PPARGC1B: variants seen among roughly 807,000 people sequenced by gnomAD.
PPARGC1B encodes peroxisome proliferator-activated receptor gamma coactivator 1-beta.
In PPARGC1B, 34 loss-of-function variants were observed where a neutral mutation model predicts 101.6. The ratio of observed to expected loss-of-function variants is 0.33; its 90% CI spans 0.25 to 0.45. The LOEUF (loss-of-function observed/expected upper bound fraction) is 0.45, where lower values mean the gene tolerates loss of function less well. Ranked by LOEUF, PPARGC1B falls within the 20% of genes least tolerant of loss-of-function variation. PPARGC1B has a pLI of 1.00. For synonymous variants in PPARGC1B, 548 were observed against 539.3 expected (o/e 1.02, Z -0.22); for missense variants, 1,234 against 1,317.6 (o/e 0.94, Z 0.98).
chr5:149,740,822 C>T (rs749675927), intron 1 of PPARGC1B, among the ~76,000 whole-genome samples: 19 of 152,276 alleles, frequency 1.2e-4, no homozygotes, highest in Middle Eastern at 3.4e-3. Flanking sequence ...ATATAGTAAG[C>T]GCTCAATAAA....
intron 9 of PPARGC1B, 89 bp from the exon 10 acceptor site, chr5:149,842,167 G>A: frequency 1.3e-6 from 2 of 1,530,436 alleles, no homozygotes; most frequent in Admixed American, 3.6e-5. Flanking sequence ...TCATGGACTA[G>A]GACAAGGACT....
At chr5:149,757,561 C>G (rs4705370) in intron 1 of PPARGC1B, among the ~76,000 whole-genome samples, 92,123 of 151,738 alleles carry the variant, frequency 0.61, 28,106 homozygotes, top group South Asian at 0.72. Context: ...GCCCTGCCAG[C>G]CTGTCCTGAC....
chr5:149,793,758 T>G (rs954554270), intron 1 of PPARGC1B, among the ~76,000 whole-genome samples: 3 of 152,132 alleles, frequency 2.0e-5, no homozygotes, highest in Non-Finnish European at 4.4e-5. Flanking sequence ...GAGGAAGATG[T>G]GTAAGCTGAG....
chr5:149,835,479 G>A (rs1387610123), intron 7 of PPARGC1B, 114 bp downstream of exon 7: 4 of 893,802 alleles, frequency 4.5e-6, no homozygotes, highest in Non-Finnish European at 7.3e-6. Flanking sequence ...CAAGATGCCT[G>A]CCTTCACGGG....
intron 1 of PPARGC1B, among the ~76,000 whole-genome samples, chr5:149,732,226 C>G (rs1754527633): frequency 6.6e-6 from 1 of 152,208 alleles, no homozygotes; most frequent in Non-Finnish European, 1.5e-5. Context: ...GAGCCGACAG[C>G]TTGGGGCTAG....
At chr5:149,756,682 C>A (rs1022563545) in intron 1 of PPARGC1B, among the ~76,000 whole-genome samples, 2 of 152,140 alleles carry the variant, frequency 1.3e-5, no homozygotes, top group Admixed American at 6.5e-5. Flanking sequence ...TTTTTCCTGC[C>A]TCTGTAGACT....
At chr5:149,805,010 A>G (rs2113302025) in intron 1 of PPARGC1B, among the ~76,000 whole-genome samples, 2 of 152,310 alleles carry the variant, frequency 1.3e-5, no homozygotes, top group East Asian at 1.9e-4. Context: ...GAGCCCTGGT[A>G]TCCGCTCTGC....
chr5:149,824,095 C>A (rs1281212763), intron 2 of PPARGC1B, among the ~76,000 whole-genome samples: 1 of 152,178 alleles, frequency 6.6e-6, no homozygotes, highest in African/African-American at 2.4e-5. Flanking sequence ...AAAATGCTGG[C>A]ATGGAAGGAA....
At chr5:149,775,172 C>T (rs1193595836) in intron 1 of PPARGC1B, among the ~76,000 whole-genome samples, 3 of 152,092 alleles carry the variant, frequency 2.0e-5, no homozygotes, top group Admixed American at 6.5e-5. Flanking sequence ...CTACTCTGGG[C>T]GTTACTGTAG....
chr5:149,801,914 C>T (rs1373626223), intron 1 of PPARGC1B, among the ~76,000 whole-genome samples: 1 of 152,204 alleles, frequency 6.6e-6, no homozygotes, highest in Non-Finnish European at 1.5e-5. Context: ...TTTTGAGTAT[C>T]TACTTTGCAC....
chr5:149,842,351 G>T lies in PPARGC1B; in HGVS notation c.2790G>T (p.Glu930Asp), dbSNP rs770669541. The T allele has an allele frequency of 3.5e-5, 57 of 1,614,008 alleles. 1 individual carries two copies. In the Middle Eastern group the frequency reaches 1.3e-3, roughly 37 times the overall value. The change falls in exon 10 of 12, where the codon GAG becomes GAT. Residue 930 changes from glutamate (E) to aspartate (D), a missense_variant. This residue lies in a region of PPARGC1B where 497 missense variants were observed against 529.5 expected (regional missense o/e 0.94). Transcript: ENST00000309241. ...RRFEVFGEIE[E>D]CEVLTRNRRG... ...TTGAAGTGTTTGGTGAGATTGAGGA[G>T]TGCGAGGTGCTGACAAGAAATAGGA...
chr5:149,745,442 C>G (rs1045667866), intron 1 of PPARGC1B, among the ~76,000 whole-genome samples: 1 of 152,128 alleles, frequency 6.6e-6, no homozygotes, highest in South Asian at 2.1e-4. Flanking sequence ...GGCCCTTAAG[C>G]TTCTCTGTCT....
intron 11 of PPARGC1B, 25 bp from the exon 12 acceptor site, chr5:149,847,433 C>T (rs1415468825): frequency 1.0e-5 from 16 of 1,570,208 alleles, no homozygotes; most frequent in African/African-American, 1.4e-5. Flanking sequence ...TCCCCTCTTC[C>T]CTGCCTCTTC....
intron 1 of PPARGC1B, among the ~76,000 whole-genome samples, chr5:149,817,289 A>T (rs1011910510): frequency 3.3e-5 from 5 of 152,166 alleles, no homozygotes; most frequent in Non-Finnish European, 7.4e-5. Context: ...CCTGGGCAAC[A>T]TAGAGAGACC....
intron 1 of PPARGC1B, among the ~76,000 whole-genome samples, chr5:149,812,587 T>C (rs1757906909): frequency 6.6e-6 from 1 of 152,232 alleles, no homozygotes; most frequent in Non-Finnish European, 1.5e-5. Context: ...TGAATCCAAG[T>C]GCTTTAGTTA....
At chr5:149,759,591 T>C (rs567288854) in intron 1 of PPARGC1B, among the ~76,000 whole-genome samples, 3 of 152,312 alleles carry the variant, frequency 2.0e-5, no homozygotes, top group Non-Finnish European at 1.5e-5. Context: ...TTGGGCAGCA[T>C]ACAAATGAGA....
At chr5:149,795,781 G>T (rs1049018433) in intron 1 of PPARGC1B, among the ~76,000 whole-genome samples, 6 of 142,108 alleles carry the variant, frequency 4.2e-5, no homozygotes, top group Non-Finnish European at 7.9e-5. Flanking sequence ...GGGGATGATG[G>T]TGGGGGCAGG....
intron 1 of PPARGC1B, among the ~76,000 whole-genome samples, chr5:149,774,061 G>A (rs1168618588): frequency 6.6e-6 from 1 of 152,224 alleles, no homozygotes; most frequent in South Asian, 2.1e-4. Context: ...TGTAGCACCA[G>A]TTAAGAGAGC....
chr5:149,744,987 G>T (rs754443989), intron 1 of PPARGC1B, among the ~76,000 whole-genome samples: 1 of 148,910 alleles, frequency 6.7e-6, no homozygotes, highest in African/African-American at 2.5e-5. Context: ...CTGCAGTCTC[G>T]ACCTCTTGGG....
Sources: gnomAD v4.1 joint callset for allele counts (sites outside exome capture counted in the v4.1 genomes callset) on GRCh38, gnomAD v4.1.1 for gene constraint, gnomAD v4.1.1 regional missense constraint, MANE v1.5 for transcripts, NCBI Gene and HGNC (gene_info 2026-07-23, HGNC 2026-07-21) for gene names.